The following LMBRD2 variants were observed in gnomAD, a reference collection of about 807,000 sequenced individuals.
LMBRD2 encodes LMBR1 domain containing 2.
A neutral mutation model predicts 94.4 loss-of-function variants in LMBRD2; 55 were observed. The observed-to-expected ratio is 0.58, with a 90% confidence interval of 0.47 to 0.73. LMBRD2 has a LOEUF of 0.73. Among genes scored for constraint, LMBRD2 ranks in the 30% least tolerant of loss-of-function variants. The pLI is 0.00. For missense variants in LMBRD2, 640 were observed against 831.9 expected (o/e 0.77, Z 2.84); for synonymous variants, 246 against 272.4 (o/e 0.90, Z 0.95).
intron 13 of LMBRD2, among the ~76,000 whole-genome samples, chr5:36,112,815 T>C (rs1414832993): frequency 6.6e-6 from 1 of 152,170 alleles, no homozygotes; most frequent in African/African-American, 2.4e-5. Flanking sequence ...AACTGTAACA[T>C]TAAAAAAATT....
intron 3 of LMBRD2, 140 bp from the exon 4 acceptor site, chr5:36,141,342 A>C: frequency 2.1e-6 from 1 of 471,122 alleles, no homozygotes; most frequent in East Asian, 3.5e-5. Context: ...ATAAAATTTC[A>C]AAGAAATTTT....
rs1172426859 is a variant in LMBRD2 at position 36,103,508 on chromosome 5, T to C, written c.*538A>G. The C allele has an allele frequency of 6.6e-6, 1 of 152,352 alleles. No individual in the cohort carries two copies. The highest frequency in any genetic ancestry group is 2.4e-5 in the African/African-American group (1 of 41,410). The allele number at this position is 152,352 out of a possible 1,614,324, so 9.4% of individuals were successfully genotyped here. A position where few individuals can be genotyped will look rare whatever the true frequency, so the allele number is the denominator to read the frequency against. Reference sequence around the variant, plus strand: ...TGCAAACAGATTTGAAAAAGCACTTTTTACATTCAGTTATGTCTAGTAAGT... The same window carrying C: ...TGCAAACAGATTTGAAAAAGCACTTCTTACATTCAGTTATGTCTAGTAAGT... On this transcript the variant is annotated 3_prime_UTR_variant, in exon 18 of 18. Transcript: ENST00000296603.
intron 9 of LMBRD2, among the ~76,000 whole-genome samples, chr5:36,121,021 C>T (rs948039039): frequency 6.6e-6 from 1 of 151,842 alleles, no homozygotes; most frequent in Non-Finnish European, 1.5e-5. Flanking sequence ...TATCCTGACC[C>T]CATGGTTCCC....
chr5:36,127,537 T>TGCCC (rs1477219664), intron 6 of LMBRD2, among the ~76,000 whole-genome samples: 11 of 152,162 alleles, frequency 7.2e-5, no homozygotes, highest in Non-Finnish European at 1.5e-4. Flanking sequence ...GGGAGTCCAG[T>TGCCC]GCCCTGAAGG....
chr5:36,104,895 A>C (rs1743427184), intron 17 of LMBRD2, among the ~76,000 whole-genome samples, 173 bp downstream of exon 17: 1 of 152,080 alleles, frequency 6.6e-6, no homozygotes, highest in African/African-American at 2.4e-5. Context: ...AAGTCTAAAA[A>C]GGTATCAAAA....
At position 36,124,175 on chromosome 5, in the gene LMBRD2, A is replaced by G. The variant is rs1473913723; in HGVS notation, c.822+16T>C. 2.1e-6 allele frequency: 3 copies of G among 1,418,054 alleles called. No individual in the cohort carries two copies. The highest frequency in any genetic ancestry group is 2.4e-5 in the South Asian group (2 of 83,266). The allele number at this position is 1,418,054 out of a possible 1,614,324, so 87.8% of individuals were successfully genotyped here. On this transcript the variant is annotated intron_variant, in intron 7 of 17. Transcript: ENST00000296603. Reference sequence around the variant, plus strand: ...GTGTATATTTCAAAAGGAAACAGACAAGATGATTTCATTACCTTTTTAAGT... The same window carrying G: ...GTGTATATTTCAAAAGGAAACAGACGAGATGATTTCATTACCTTTTTAAGT...
rs1009619061 is a variant in LMBRD2, at chr5:36,151,148, T to C, written c.-58+408A>G. On this transcript the variant is annotated intron_variant, in intron 1 of 17. Coordinates refer to ENST00000296603, the MANE Select transcript of LMBRD2 (RefSeq NM_001007527.2). The surrounding 1 kb of genome is among the most constrained non-coding windows in gnomAD (Gnocchi z 4.7). ...CAAACTCTTCTCAGCAGAGATAGGCTGAAAGCAGCTCGCTTTTAGGCGGCG... is the reference window on the plus strand; with the variant it reads ...CAAACTCTTCTCAGCAGAGATAGGCCGAAAGCAGCTCGCTTTTAGGCGGCG... Among the ~76,000 whole-genome samples, 2 of 152,238 alleles carry C rather than the reference T, an allele frequency of 1.3e-5. No homozygotes were observed. The highest frequency in any genetic ancestry group is 2.9e-5 in the Non-Finnish European group (2 of 68,044).
chr5:36,128,343 C>T (rs974646013), intron 6 of LMBRD2, among the ~76,000 whole-genome samples: 1 of 152,150 alleles, frequency 6.6e-6, no homozygotes, highest in African/African-American at 2.4e-5. Context: ...ATAAAGAATA[C>T]CTAACTTTTC....
chr5:36,110,518 C>G (rs1041204026), intron 14 of LMBRD2, among the ~76,000 whole-genome samples: 1 of 151,924 alleles, frequency 6.6e-6, no homozygotes, highest in Non-Finnish European at 1.5e-5. Flanking sequence ...TAGGAGAGCA[C>G]GTGAAGGCTA....
chr5:36,099,321 A>C lies in LMBRD2; in HGVS notation c.*4725T>G, dbSNP rs1417421235. ...ATATTAGAGCTCTGTTGTATCATTC[A>C]ATGTTATAATTTATAAATACATATT... On this transcript the variant is annotated 3_prime_UTR_variant, in exon 18 of 18. Coordinates refer to ENST00000296603, the MANE Select transcript of LMBRD2 (RefSeq NM_001007527.2). 1 of 152,188 alleles carries C rather than the reference A, an allele frequency of 6.6e-6. No individual in the cohort carries two copies. Among genetic ancestry groups the C allele is most frequent in the Non-Finnish European group, 1.5e-5 (1 of 68,002 alleles). 9.4% of individuals were successfully genotyped at this position (152,188 alleles called of 1,614,324 possible). A position where few individuals can be genotyped will look rare whatever the true frequency, so the allele number is the denominator to read the frequency against.
intron 9 of LMBRD2, among the ~76,000 whole-genome samples, chr5:36,118,708 T>A (rs1459715046): frequency 1.3e-5 from 2 of 151,394 alleles, no homozygotes; most frequent in Non-Finnish European, 2.9e-5. Flanking sequence ...TGGAGTGCAG[T>A]GGCATGATCT....
At chr5:36,124,911 C>T (rs564254417) in intron 6 of LMBRD2, among the ~76,000 whole-genome samples, 1 of 152,012 alleles carries the variant, frequency 6.6e-6, no homozygotes, top group South Asian at 2.1e-4. Flanking sequence ...TAGCCAGTCT[C>T]ATAACCTGGT....
chr5:36,103,821 C>A lies in LMBRD2; in HGVS notation c.*225G>T. 3.0e-6 allele frequency: 1 copy of A among 336,046 alleles called. No homozygotes were observed. Among genetic ancestry groups the A allele is most frequent in the Non-Finnish European group, 5.5e-6 (1 of 180,962 alleles). 20.8% of individuals were successfully genotyped at this position (336,046 alleles called of 1,614,324 possible). A position where few individuals can be genotyped will look rare whatever the true frequency, so the allele number is the denominator to read the frequency against. ...TTCCACTGTAACTGTATTTCTAAGG[C>A]AGATGCTTAGGAAATGATATGTAAT... On this transcript the variant is annotated 3_prime_UTR_variant, in exon 18 of 18. Transcript: ENST00000296603.
At position 36,122,859 on chromosome 5, in the gene LMBRD2, GT is replaced by G. The variant is rs1169013008; in HGVS notation, c.924del (p.Lys308AsnfsTer6). The G allele has an allele frequency of 1.3e-6, 2 of 1,592,714 alleles. No individual in the cohort carries two copies. The highest frequency in any genetic ancestry group is 2.3e-5 in the South Asian group (2 of 86,974). The part of the protein sequence containing the change: ...SIYPSEKSLV[K>X]LHKQVIYSVQ... ...ATTAACAAAGTTACCTGTTTATGCA[GT>G]TTTACCAGACTTTTTTCACTTGGAT... On this transcript the variant is annotated frameshift_variant, in exon 8 of 18. Transcript: ENST00000296603. LOFTEE classifies it high-confidence loss of function.
chr5:36,115,015 AGAT>A lies in LMBRD2; in HGVS notation c.1539_1541del (p.Ser514del). 1 of 1,554,862 alleles carries A rather than the reference AGAT, an allele frequency of 6.4e-7. No homozygotes were observed. The highest frequency in any genetic ancestry group is 8.9e-7 in the Non-Finnish European group (1 of 1,128,440). ...AATTCTATTTTCTGACCGTACTTAC[AGAT>A]GTATAAGCAGTTGGTTGAGTATTCT... On this transcript the variant is annotated inframe_deletion and splice_region_variant, in exon 12 of 18. Coordinates refer to ENST00000296603, the MANE Select transcript of LMBRD2 (RefSeq NM_001007527.2).
intron 13 of LMBRD2, 84 bp from the exon 14 acceptor site, chr5:36,111,342 C>A (rs1743601090): frequency 3.3e-6 from 3 of 896,648 alleles, no homozygotes; most frequent in South Asian, 2.9e-5. Context: ...CATTGTCACT[C>A]CAAAAGAAGA....
rs1262629031 is a variant in LMBRD2 at position 36,114,440 on chromosome 5, T to C, written c.1624A>G (p.Ile542Val). Residue 542 changes from isoleucine (I) to valine (V), a missense_variant, in exon 13 of 18, where the codon ATT becomes GTT. Physicochemically the swap from Ile to Val is conservative, Grantham distance 29. Transcript: ENST00000296603. ...YYPMLVVILCIATYFSLGTRC... is the reference protein window; with the variant it reads ...YYPMLVVILCVATYFSLGTRC... ...GTTTCTTACCTAAAATAAGTAGCAA[T>C]GCAGAGAATTACCACCAACATAGGA... is the stretch of plus-strand genomic sequence containing the variant. 3 of 1,558,350 alleles carry C rather than the reference T, an allele frequency of 1.9e-6. No homozygotes were observed. In the African/African-American group the frequency reaches 4.2e-5, roughly 22 times the overall value.
chr5:36,099,688 A>T lies in LMBRD2; in HGVS notation c.*4358T>A, dbSNP rs1380633963. ...ACTAAGTACAGTAAAATTCTTTCAC[A>T]AAATAATCTGAGATCAAGATAACCA... is the stretch of plus-strand genomic sequence containing the variant. On this transcript the variant is annotated 3_prime_UTR_variant, in exon 18 of 18. Transcript: ENST00000296603. 6.6e-6 allele frequency: 1 copy of T among 152,208 alleles called. No individual in the cohort carries two copies. The highest frequency in any genetic ancestry group is 2.4e-5 in the African/African-American group (1 of 41,466). The allele number at this position is 152,208 out of a possible 1,614,324, so 9.4% of individuals were successfully genotyped here.
chr5:36,142,811 G>A lies in LMBRD2; in HGVS notation c.175-212C>T, dbSNP rs533769525. On this transcript the variant is annotated intron_variant, in intron 2 of 17. Transcript: ENST00000296603. ...GCGATCTCGGCTTACTGCAAGCTCC[G>A]CCTCCCGGATTCACGCCATTCTCCT... 4.3e-5 allele frequency: 17 copies of A among 394,108 alleles called. 1 individual carries two copies. The highest frequency in any genetic ancestry group is 7.0e-4 in the Middle Eastern group (1 of 1,438). 24.4% of individuals were successfully genotyped at this position (394,108 alleles called of 1,614,324 possible). A position where few individuals can be genotyped will look rare whatever the true frequency, so the allele number is the denominator to read the frequency against.
Sources: allele counts gnomAD v4.1 joint callset (sites outside exome capture counted in the v4.1 genomes callset), GRCh38; gene constraint gnomAD v4.1.1; non-coding constraint Gnocchi (gnomAD v3.1); transcripts MANE v1.5; gene names NCBI Gene and HGNC (gene_info 2026-07-23, HGNC 2026-07-21).